Variants in GABBR2 observed in about 807,000 individuals in gnomAD.
The protein encoded by GABBR2 is gamma-aminobutyric acid type B receptor subunit 2, also known as G-protein coupled receptor 51.
In GABBR2, 23 loss-of-function variants were observed where a neutral mutation model predicts 105.6. The observed-to-expected ratio is 0.22, with a 90% CI of 0.16 to 0.31. GABBR2 has a LOEUF of 0.31. Among genes scored for constraint, GABBR2 ranks in the 10% least tolerant of loss-of-function variants. The probability of loss-of-function intolerance (pLI) is 1.00; values close to 1 mark genes in which losing one functional copy is unlikely to be tolerated. For synonymous variants in GABBR2, 478 were observed against 499.7 expected, an observed-to-expected ratio of 0.96 and a Z score of 0.58; for missense variants, 734 against 1,245.5, an observed-to-expected ratio of 0.59 and a Z score of 6.18.
intron 7 of GABBR2, among the ~76,000 whole-genome samples, chr9:98,410,375 C>G (rs1184242989): frequency 2.6e-5 from 4 of 152,104 alleles, no homozygotes; most frequent in Non-Finnish European, 5.9e-5. Flanking sequence ...CTCTTCTACA[C>G]TCTCCTCCTT....
chr9:98,570,581 C>A (rs1435693028), intron 2 of GABBR2, among the ~76,000 whole-genome samples: 1 of 152,224 alleles, frequency 6.6e-6, no homozygotes, highest in African/African-American at 2.4e-5. Flanking sequence ...CCCCACCCAG[C>A]TCCAAATTCT....
chr9:98,474,658 G>A (rs2131633071), intron 5 of GABBR2, among the ~76,000 whole-genome samples: 1 of 152,302 alleles, frequency 6.6e-6, no homozygotes, highest in Middle Eastern at 3.4e-3. Context: ...CTACAGCAGG[G>A]TTAATGTGAG....
chr9:98,464,163 G>A (rs1023205428), intron 6 of GABBR2, among the ~76,000 whole-genome samples: 8 of 145,410 alleles, frequency 5.5e-5, no homozygotes, highest in East Asian at 2.1e-4. Context: ...GCCTCTGCCC[G>A]GCCGCCATCC....
At chr9:98,681,523 T>G (rs1405305787) in intron 1 of GABBR2, among the ~76,000 whole-genome samples, 1 of 151,664 alleles carries the variant, frequency 6.6e-6, no homozygotes, top group Non-Finnish European at 1.5e-5. Context: ...GCATGGCACA[T>G]GTATACATAT....
chr9:98,412,078 G>A (rs1027114868), intron 7 of GABBR2, among the ~76,000 whole-genome samples: 4 of 152,250 alleles, frequency 2.6e-5, no homozygotes, highest in African/African-American at 7.2e-5. Context: ...TATAGGTTAA[G>A]CCCTTTGTTG....
At chr9:98,532,065 A>C (rs930055503) in intron 3 of GABBR2, among the ~76,000 whole-genome samples, 1 of 152,236 alleles carries the variant, frequency 6.6e-6, no homozygotes, top group Non-Finnish European at 1.5e-5. Flanking sequence ...AACATCCATG[A>C]AGTACAGTTT....
intron 10 of GABBR2, 115 bp from the exon 11 acceptor site, chr9:98,385,887 G>C (rs974653134): frequency 2.0e-5 from 16 of 788,138 alleles, no homozygotes; most frequent in African/African-American, 1.2e-4. Flanking sequence ...AGAGGGGAGA[G>C]AGAGAAACAG....
In GABBR2 at chr9:98,680,568, C is replaced by T. The variant is rs147873484; in HGVS notation, c.321+27849G>A. Among the ~76,000 whole-genome samples, 6 of 152,212 alleles carry T rather than the reference C, an allele frequency of 3.9e-5. No homozygotes were observed. The East Asian group carries it at 1.2e-3, about 29-fold the overall frequency. Reference sequence around the variant, plus strand: ...TCATGATCCGCCCACCTCGGCCTCCCAAAGTGCTAGGATTACAGGCATGAG... The same window carrying T: ...TCATGATCCGCCCACCTCGGCCTCCTAAAGTGCTAGGATTACAGGCATGAG... On this transcript the variant is annotated intron_variant, in intron 1 of 18. Transcript: ENST00000259455.
At chr9:98,295,219 G>A (rs949630797) in intron 17 of GABBR2, among the ~76,000 whole-genome samples, 28 of 152,188 alleles carry the variant, frequency 1.8e-4, no homozygotes, top group Admixed American at 7.9e-4. Flanking sequence ...CATGATGCAC[G>A]TGTTCCCAGC....
Position 98,476,426 on chromosome 9 carries a change from T to A in GABBR2, c.799-3080A>T, listed in dbSNP as rs781192437. On this transcript the variant is annotated intron_variant, in intron 5 of 18. Coordinates refer to ENST00000259455, the MANE Select transcript of GABBR2 (RefSeq NM_005458.8). ...AAAATAATACAGTCAAACAGCAGAT[T>A]TTCTGCCACATGCCTGCCAGGTAAC... Among the ~76,000 whole-genome samples, 25 of 152,198 alleles carry A rather than the reference T, an allele frequency of 1.6e-4. 1 individual carries two copies. Among genetic ancestry groups the A allele is most frequent in the Non-Finnish European group, 4.4e-5 (3 of 68,040 alleles).
chr9:98,686,942 C>T (rs1418109861), intron 1 of GABBR2, among the ~76,000 whole-genome samples: 2 of 151,952 alleles, frequency 1.3e-5, no homozygotes, highest in South Asian at 2.1e-4. Flanking sequence ...GACCACCCTC[C>T]CTCAGCAGAG....
chr9:98,536,087 C>T (rs1024734367), intron 3 of GABBR2, among the ~76,000 whole-genome samples: 2 of 152,024 alleles, frequency 1.3e-5, no homozygotes, highest in South Asian at 2.1e-4. Context: ...GGGCAGGGAG[C>T]GTATGGGAAA....
At chr9:98,350,690 T>C (rs1831383735) in intron 13 of GABBR2, among the ~76,000 whole-genome samples, 1 of 152,196 alleles carries the variant, frequency 6.6e-6, no homozygotes, top group Admixed American at 6.5e-5. Flanking sequence ...TTCCATGTGT[T>C]GATGAGAAAA....
At chr9:98,608,167 C>T (rs906498220) in intron 1 of GABBR2, 2 of 1,143,856 alleles carry the variant, frequency 1.7e-6, no homozygotes, top group South Asian at 1.4e-5. Flanking sequence ...GTATTAGTTG[C>T]CAATATGCCA....
At chr9:98,497,737 T>A (rs1228523446) in intron 3 of GABBR2, among the ~76,000 whole-genome samples, 20 of 152,328 alleles carry the variant, frequency 1.3e-4, no homozygotes, top group Non-Finnish European at 2.5e-4. Context: ...ACCACAAGTG[T>A]TGGTGAAGAT....
At chr9:98,530,885 T>G (rs1245290919) in intron 3 of GABBR2, among the ~76,000 whole-genome samples, 1 of 152,144 alleles carries the variant, frequency 6.6e-6, no homozygotes, top group Admixed American at 6.5e-5. Context: ...TAATCACATT[T>G]TCCTACTCCC....
At chr9:98,357,410 G>C (rs559294234) in intron 13 of GABBR2, among the ~76,000 whole-genome samples, 1 of 152,160 alleles carries the variant, frequency 6.6e-6, no homozygotes, top group East Asian at 1.9e-4. Flanking sequence ...CACTTTGGGA[G>C]GCCAGGGCAG....
At chr9:98,584,019 A>G (rs185241905) in intron 1 of GABBR2, among the ~76,000 whole-genome samples, 2 of 152,296 alleles carry the variant, frequency 1.3e-5, no homozygotes, top group East Asian at 1.9e-4. Flanking sequence ...AGTTATTTAC[A>G]GCAAGTTGTC....
chr9:98,597,030 C>T (rs1829247075), intron 1 of GABBR2, among the ~76,000 whole-genome samples: 1 of 152,144 alleles, frequency 6.6e-6, no homozygotes. Context: ...CACCCCTATG[C>T]TGTGCTCAGT....
Sources: gnomAD v4.1 joint callset for allele counts (sites outside exome capture counted in the v4.1 genomes callset) on GRCh38, gnomAD v4.1.1 for gene constraint, MANE v1.5 for transcripts, NCBI Gene and HGNC (gene_info 2026-07-23, HGNC 2026-07-21) for gene names.